Variants in UNC13C observed in about 807,000 individuals in gnomAD.
UNC13C encodes unc-13 homolog C.
In UNC13C, 174 loss-of-function variants were observed where a neutral mutation model predicts 245.4. That is an observed-to-expected ratio of 0.71 (90% CI 0.63 to 0.80). The LOEUF (loss-of-function observed/expected upper bound fraction) is 0.80. Ranked by LOEUF, UNC13C falls within the 30% of genes least tolerant of loss-of-function variation. The pLI is 0.00. For synonymous variants in UNC13C, 992 were observed against 895.1 expected (o/e 1.11, Z -1.93); for missense variants, 2,829 against 2,602.9 (o/e 1.09, Z -1.89).
At chr15:54,583,778 G>C (rs1050402358) in intron 30 of UNC13C, among the ~76,000 whole-genome samples, 1 of 152,072 alleles carries the variant, frequency 6.6e-6, no homozygotes, top group African/African-American at 2.4e-5. Flanking sequence ...TTTGTAATGC[G>C]GCCCATTTGC....
chr15:54,020,998 A>T (rs1895879268), intron 2 of UNC13C, among the ~76,000 whole-genome samples: 1 of 152,200 alleles, frequency 6.6e-6, no homozygotes, highest in Non-Finnish European at 1.5e-5. Flanking sequence ...AATACACTAG[A>T]ATTATCTATA....
chr15:53,956,417 C>A, the UNC13C span, among the ~76,000 whole-genome samples: 1 of 151,706 alleles, frequency 6.6e-6, no homozygotes, highest in Non-Finnish European at 1.5e-5. Flanking sequence ...TCCACCGGTG[C>A]CAGCTGCTCA....
At chr15:53,932,432 T>C in the UNC13C span, among the ~76,000 whole-genome samples, 1 of 152,198 alleles carries the variant, frequency 6.6e-6, no homozygotes, top group South Asian at 2.1e-4. Flanking sequence ...AATTATAGAA[T>C]TTCCATAACC....
intron 2 of UNC13C, among the ~76,000 whole-genome samples, chr15:54,077,637 C>T (rs1898710173): frequency 6.6e-6 from 1 of 152,034 alleles, no homozygotes; most frequent in African/African-American, 2.4e-5. Context: ...TCCCAAAGTG[C>T]TGGGATTACA....
chr15:54,524,531 T>C (rs1002711317), intron 24 of UNC13C, among the ~76,000 whole-genome samples: 1 of 152,220 alleles, frequency 6.6e-6, no homozygotes, highest in African/African-American at 2.4e-5. Flanking sequence ...AACTTAGAGC[T>C]ACCCAGCTGC....
At chr15:54,061,762 A>G (rs1025293216) in intron 2 of UNC13C, among the ~76,000 whole-genome samples, 1 of 152,198 alleles carries the variant, frequency 6.6e-6, no homozygotes, top group Non-Finnish European at 1.5e-5. Context: ...GCAGCCTGAT[A>G]ATGGCTCTAG....
chr15:54,463,277 G>T (rs1369834609), intron 19 of UNC13C, among the ~76,000 whole-genome samples: 5 of 73,242 alleles, frequency 6.8e-5, no homozygotes, highest in African/African-American at 2.4e-4. Context: ...GGGGGGGGGG[G>T]GGGGGCCGGT....
chr15:54,189,373 T>A (rs112626712), intron 4 of UNC13C, among the ~76,000 whole-genome samples: 3 of 152,142 alleles, frequency 2.0e-5, no homozygotes, highest in South Asian at 2.1e-4. Flanking sequence ...ACGATTTTTT[T>A]TAAATTCAAT....
At chr15:54,211,863 A>G (rs147607405) in intron 4 of UNC13C, among the ~76,000 whole-genome samples, 24 of 152,100 alleles carry the variant, frequency 1.6e-4, no homozygotes, top group African/African-American at 4.8e-4. Context: ...TTATTTTTCA[A>G]CCCTTCCAAT....
the UNC13C span, among the ~76,000 whole-genome samples, chr15:53,852,667 A>G: frequency 6.6e-6 from 1 of 152,124 alleles, no homozygotes; most frequent in Non-Finnish European, 1.5e-5. Flanking sequence ...CAAGGTAGAA[A>G]ATGTGAACAA....
chr15:54,396,212 A>G (rs1433758598), intron 18 of UNC13C, among the ~76,000 whole-genome samples: 13 of 151,844 alleles, frequency 8.6e-5, no homozygotes, highest in African/African-American at 2.6e-4. Flanking sequence ...AATAATGAAG[A>G]TATCCATTAC....
chr15:54,320,951 A>G, intron 13 of UNC13C: 1 of 389,984 alleles, frequency 2.6e-6, no homozygotes, highest in Non-Finnish European at 5.0e-6. Flanking sequence ...TACCAAATCC[A>G]TTATATTCAT....
chr15:54,278,068 T>G (rs2140910960), intron 10 of UNC13C, among the ~76,000 whole-genome samples: 1 of 152,240 alleles, frequency 6.6e-6, no homozygotes, highest in African/African-American at 2.4e-5. Context: ...AACTCTTATG[T>G]CAATGCTCTC....
At chr15:54,528,288 A>T (rs1895570269) in intron 25 of UNC13C, among the ~76,000 whole-genome samples, 1 of 148,684 alleles carries the variant, frequency 6.7e-6, no homozygotes, top group Non-Finnish European at 1.5e-5. Flanking sequence ...CTGCTTACAC[A>T]TGTTTTGCAG....
chr15:54,482,252 C>A (rs687345), intron 19 of UNC13C, among the ~76,000 whole-genome samples: 12 of 152,086 alleles, frequency 7.9e-5, no homozygotes, highest in African/African-American at 2.9e-4. Context: ...AATGCAGGAG[C>A]TTTTAGCCCT....
At chr15:53,895,527 C>A in the UNC13C span, among the ~76,000 whole-genome samples, 3 of 152,114 alleles carry the variant, frequency 2.0e-5, no homozygotes, top group African/African-American at 7.2e-5. Flanking sequence ...ATATTTCAGA[C>A]TGTTTTAATA....
chr15:54,407,193 G>A (rs1396786024), intron 18 of UNC13C, among the ~76,000 whole-genome samples: 1 of 152,110 alleles, frequency 6.6e-6, no homozygotes, highest in Non-Finnish European at 1.5e-5. Flanking sequence ...TATAGAAGAT[G>A]TATCAGAAGA....
intron 1 of UNC13C, among the ~76,000 whole-genome samples, chr15:53,985,522 A>G (rs1401778893): frequency 6.6e-6 from 1 of 151,998 alleles, no homozygotes; most frequent in Non-Finnish European, 1.5e-5. Flanking sequence ...CCTGGGAACA[A>G]GAAGAGAGAT....
chr15:54,580,962 T>G (rs1055079673), intron 30 of UNC13C, among the ~76,000 whole-genome samples: 1 of 152,206 alleles, frequency 6.6e-6, no homozygotes, highest in Admixed American at 6.5e-5. Flanking sequence ...TTATTGAACC[T>G]GTACTGTGCA....
Sources: allele counts gnomAD v4.1 joint callset (sites outside exome capture counted in the v4.1 genomes callset), GRCh38; gene constraint gnomAD v4.1.1; transcripts MANE v1.5; gene names NCBI Gene and HGNC (gene_info 2026-07-23, HGNC 2026-07-21).